PCNX4: variants seen among roughly 807,000 people sequenced by gnomAD.
PCNX4 encodes the protein pecanex 4.
A neutral mutation model predicts 107.2 loss-of-function variants in PCNX4; 103 were observed. The observed-to-expected ratio is 0.96, with a 90% CI of 0.82 to 1.13. The LOEUF (loss-of-function observed/expected upper bound fraction) is 1.13, where lower values mean the gene tolerates loss of function less well. Ranked by LOEUF, PCNX4 falls within the 50% of genes most tolerant of loss-of-function variation. PCNX4 has a pLI of 0.00. For missense variants in PCNX4, 1,528 were observed against 1,379.4 expected (o/e 1.11, Z -1.71); for synonymous variants, 541 against 481.7 (o/e 1.12, Z -1.61).
Position 60,146,244 on chromosome 14 carries a change from G to A in PCNX4, c.*12023G>A, listed in dbSNP as rs1896403402. On this transcript the variant is annotated 3_prime_UTR_variant, in exon 11 of 11. Transcript: ENST00000406854. The surrounding 1 kb of genome is among the most constrained non-coding windows in gnomAD (Gnocchi z 4.9). ...AGAAAAACCTAGATGTAAAAAAAAT[G>A]CGAGATTTGCTAAATGATGTTTATA... is the stretch of plus-strand genomic sequence containing the variant. The A allele has an allele frequency of 6.6e-6, 1 of 151,790 alleles. No homozygotes were observed. Among genetic ancestry groups the A allele is most frequent in the Admixed American group, 6.6e-5 (1 of 15,260 alleles). The allele number at this position is 151,790 out of a possible 1,614,324, so 9.4% of individuals were successfully genotyped here.
At chr14:60,100,226 A>G (rs1478399501) in intron 1 of PCNX4, among the ~76,000 whole-genome samples, 5 of 152,132 alleles carry the variant, frequency 3.3e-5, no homozygotes, top group Admixed American at 2.0e-4. Flanking sequence ...ACATGAGCCA[A>G]TTTACAAAAA....
intron 1 of PCNX4, 51 bp from the exon 2 acceptor site, chr14:60,107,535 G>A: frequency 9.7e-7 from 1 of 1,026,682 alleles, no homozygotes; most frequent in Non-Finnish European, 1.4e-6. Flanking sequence ...TTCCTCATAG[G>A]TTTTAAATGA....
rs1278427277 is a variant in PCNX4 at position 60,136,690 on chromosome 14, AGG to A, written c.*2472_*2473del. 6.6e-6 allele frequency: 1 copy of A among 152,562 alleles called. No individual in the cohort carries two copies. The highest frequency in any genetic ancestry group is 2.4e-5 in the African/African-American group (1 of 41,546). 9.5% of individuals were successfully genotyped at this position (152,562 alleles called of 1,614,324 possible). On this transcript the variant is annotated 3_prime_UTR_variant, in exon 11 of 11. Transcript: ENST00000406854. ...GGGCGTACTTATAGGCATGGGTGAG[AGG>A]GGTCTGGGCAGTATGGCTTGCTGCT...
chr14:60,122,968 T>C (rs1428014517), intron 8 of PCNX4, among the ~76,000 whole-genome samples: 1 of 152,126 alleles, frequency 6.6e-6, no homozygotes, highest in African/African-American at 2.4e-5. Context: ...GTGGAAATTC[T>C]TGGGCCCTAC....
Position 60,124,313 on chromosome 14 carries a change from A to C in PCNX4, c.2142A>C (p.Val714=). The stretch of plus-strand genomic sequence containing the variant: ...CTTTTGAGCAAGAATACACAAGAGT[A>C]TGTTCCCTTAATGAACACTTTGGAA... ...EDAFEQEYTR[V]CSLNEHFGNV... The change falls in exon 9 of 11, where the codon GTA becomes GTC. Residue 714 remains valine, a synonymous_variant. Coordinates refer to ENST00000406854, the MANE Select transcript of PCNX4 (RefSeq NM_001330177.2). 6.2e-7 allele frequency: 1 copy of C among 1,611,352 alleles called. No individual in the cohort carries two copies. The highest frequency in any genetic ancestry group is 8.5e-7 in the Non-Finnish European group (1 of 1,178,458).
At chr14:60,118,117 G>GT (rs112724029) in intron 6 of PCNX4, among the ~76,000 whole-genome samples, 33,026 of 140,946 alleles carry the variant, frequency 0.23, 4,841 homozygotes, top group African/African-American at 0.42. Flanking sequence ...TAGTGTTACT[G>GT]TTTTTTTTTT....
Position 60,121,281 on chromosome 14 carries a change from C to T in PCNX4, c.2028C>T (p.Tyr676=), listed in dbSNP as rs555324375. ...WIMILECGYT[Y]CSINIKGLEL... is the part of the protein sequence containing the mutation. The stretch of plus-strand genomic sequence containing the variant: ...TGATTCTGGAATGTGGCTATACTTA[C>T]TGCTCTATTAACATTAAGGTCAGTG... Residue 676 remains tyrosine, a synonymous_variant, in exon 8 of 11, where the codon TAC becomes TAT. Transcript: ENST00000406854. 14 of 1,537,324 alleles carry T rather than the reference C, an allele frequency of 9.1e-6. No individual in the cohort carries two copies. Among genetic ancestry groups the T allele is most frequent in the Non-Finnish European group, 1.2e-5 (14 of 1,133,058 alleles).
At position 60,147,462 on chromosome 14, in the gene PCNX4, A is replaced by G. The variant is rs995293838; in HGVS notation, c.*13241A>G. 1 of 152,214 alleles carries G rather than the reference A, an allele frequency of 6.6e-6. No homozygotes were observed. The highest frequency in any genetic ancestry group is 2.4e-5 in the African/African-American group (1 of 41,452). 9.4% of individuals were successfully genotyped at this position (152,214 alleles called of 1,614,324 possible). A position where few individuals can be genotyped will look rare whatever the true frequency, so the allele number is the denominator to read the frequency against. On this transcript the variant is annotated 3_prime_UTR_variant, in exon 11 of 11. Coordinates refer to ENST00000406854, the MANE Select transcript of PCNX4 (RefSeq NM_001330177.2). ...GATTGTGGTAATCATTTTACAGTGT[A>G]TATTAGATCATCACAATGTATACCT...
intron 10 of PCNX4, chr14:60,133,546 G>A (rs2140570640): frequency 2.5e-6 from 1 of 395,136 alleles, no homozygotes; most frequent in South Asian, 1.9e-5. Flanking sequence ...TATAATAAAA[G>A]CCACTGAATT....
intron 1 of PCNX4, among the ~76,000 whole-genome samples, chr14:60,098,267 A>G (rs1343223341): frequency 6.6e-6 from 1 of 152,164 alleles, no homozygotes; most frequent in Non-Finnish European, 1.5e-5. Context: ...ATGCAGAAAC[A>G]TTCCAAACCT....
Position 60,139,541 on chromosome 14 carries a change from A to T in PCNX4, c.*5320A>T, listed in dbSNP as rs1267617134. On this transcript the variant is annotated 3_prime_UTR_variant, in exon 11 of 11. Transcript: ENST00000406854. ...CAGATTTTAATATACTCAGTAACAGAACAGCAGCCATGCAAAAATACGTAA... is the reference window on the plus strand; with the variant it reads ...CAGATTTTAATATACTCAGTAACAGTACAGCAGCCATGCAAAAATACGTAA... 1.3e-5 allele frequency: 2 copies of T among 152,166 alleles called. No individual in the cohort carries two copies. Among genetic ancestry groups the T allele is most frequent in the Non-Finnish European group, 1.5e-5 (1 of 67,964 alleles). 9.4% of individuals were successfully genotyped at this position (152,166 alleles called of 1,614,324 possible).
chr14:60,117,128 T>A (rs1895864978), intron 6 of PCNX4, among the ~76,000 whole-genome samples: 2 of 152,154 alleles, frequency 1.3e-5, no homozygotes. Flanking sequence ...TAAAAATAAA[T>A]TTAGAGTAAC....
At chr14:60,099,005 C>T (rs918226585) in intron 1 of PCNX4, among the ~76,000 whole-genome samples, 6 of 151,742 alleles carry the variant, frequency 4.0e-5, no homozygotes, top group East Asian at 1.9e-4. Flanking sequence ...GCATGGCATT[C>T]GGTTAAGATT....
intron 10 of PCNX4, among the ~76,000 whole-genome samples, chr14:60,126,604 C>T (rs903746332): frequency 4.6e-5 from 7 of 152,144 alleles, no homozygotes; most frequent in African/African-American, 1.4e-4. Context: ...TGGAATCTCC[C>T]CTCAGACTGG....
chr14:60,102,707 G>A (rs1349836979), intron 1 of PCNX4, among the ~76,000 whole-genome samples: 7 of 152,022 alleles, frequency 4.6e-5, no homozygotes, highest in Admixed American at 1.3e-4. Context: ...GTCTTCAGCC[G>A]TTTTTTATTT....
intron 1 of PCNX4, among the ~76,000 whole-genome samples, chr14:60,094,491 G>A (rs932995300): frequency 5.3e-5 from 8 of 152,180 alleles, no homozygotes; most frequent in African/African-American, 1.7e-4. Flanking sequence ...CTAACCACCT[G>A]ACCACAACAC....
chr14:60,133,275 T>C (rs545711284), intron 10 of PCNX4, among the ~76,000 whole-genome samples: 2 of 152,198 alleles, frequency 1.3e-5, no homozygotes. Flanking sequence ...AATACGGTAC[T>C]GATACATGCT....
intron 10 of PCNX4, among the ~76,000 whole-genome samples, chr14:60,127,985 T>C (rs116709308): frequency 0.031 from 4,662 of 152,098 alleles, 201 homozygotes; most frequent in African/African-American, 0.098. Context: ...CAACAGTAGA[T>C]TTAAACTGGC....
At chr14:60,108,686 T>C (rs1296912112) in intron 2 of PCNX4, 1 of 166,048 alleles carries the variant, frequency 6.0e-6, no homozygotes, top group Non-Finnish European at 1.4e-5. Flanking sequence ...TTTATACATA[T>C]AAATATTATA....
Sources: allele counts gnomAD v4.1 joint callset (sites outside exome capture counted in the v4.1 genomes callset), GRCh38; gene constraint gnomAD v4.1.1; non-coding constraint Gnocchi (gnomAD v3.1); transcripts MANE v1.5; gene names NCBI Gene and HGNC (gene_info 2026-07-23, HGNC 2026-07-21).